Variants in LGSN observed in about 807,000 individuals in gnomAD.
LGSN encodes lengsin, lens protein with glutamine synthetase domain.
A neutral mutation model predicts 19.5 loss-of-function variants in LGSN; 21 were observed. That is an observed-to-expected ratio of 1.07 (90% CI 0.76 to 1.55). The LOEUF (loss-of-function observed/expected upper bound fraction) is 1.55, where lower values mean the gene tolerates loss of function less well. Among genes scored for constraint, LGSN ranks in the 40% most tolerant of loss-of-function variants. The pLI, the probability that LGSN is intolerant of heterozygous loss-of-function variation, is 0.00. For missense variants in LGSN, 673 were observed against 608.5 expected (o/e 1.11, Z -1.12); for synonymous variants, 257 against 215.6 (o/e 1.19, Z -1.68).
At chr6:63,464,547 A>ATATG in the LGSN span, among the ~76,000 whole-genome samples, 1 of 150,150 alleles carries the variant, frequency 6.7e-6, no homozygotes, top group African/African-American at 2.4e-5. Flanking sequence ...ATATATATAT[A>ATATG]TGTATATAAT....
the LGSN span, among the ~76,000 whole-genome samples, chr6:63,406,710 A>G: frequency 6.6e-6 from 1 of 152,070 alleles, no homozygotes; most frequent in East Asian, 1.9e-4. Flanking sequence ...AGACACAAAA[A>G]ACCCTTCAAA....
At chr6:63,525,246 T>C in the LGSN span, among the ~76,000 whole-genome samples, 1 of 152,208 alleles carries the variant, frequency 6.6e-6, no homozygotes, top group Non-Finnish European at 1.5e-5. Context: ...ATTAGTACTC[T>C]TTCAGGATCA....
chr6:63,347,348 T>A, the LGSN span, among the ~76,000 whole-genome samples: 1 of 152,216 alleles, frequency 6.6e-6, no homozygotes, highest in Non-Finnish European at 1.5e-5. Context: ...TACTTTGAAT[T>A]TGCATTAACT....
chr6:63,496,702 C>G, the LGSN span, among the ~76,000 whole-genome samples: 1 of 150,674 alleles, frequency 6.6e-6, no homozygotes, highest in African/African-American at 2.5e-5. Context: ...ATCCTCCCAT[C>G]TCAGCCTCCC....
the LGSN span, among the ~76,000 whole-genome samples, chr6:63,411,460 C>G: frequency 1.5e-4 from 23 of 152,264 alleles, no homozygotes; most frequent in Non-Finnish European, 2.9e-4. Context: ...AAGACAGAGA[C>G]TTGATCTATA....
intron 1 of LGSN, among the ~76,000 whole-genome samples, chr6:63,299,248 C>T (rs1246210168): frequency 6.6e-6 from 1 of 152,154 alleles, no homozygotes; most frequent in Non-Finnish European, 1.5e-5. Context: ...AGGAAATTTA[C>T]ATCTATAAAG....
At chr6:63,441,816 T>C in the LGSN span, 1 of 317,562 alleles carries the variant, frequency 3.1e-6, no homozygotes, top group Non-Finnish European at 6.1e-6. Flanking sequence ...AAACTGCTGC[T>C]GCTGCTGCTT....
chr6:63,461,261 A>T, the LGSN span, among the ~76,000 whole-genome samples: 2 of 152,256 alleles, frequency 1.3e-5, no homozygotes, highest in Admixed American at 1.3e-4. Context: ...CGTGTTGGCC[A>T]TGCTGGTCTC....
At chr6:63,474,330 C>T in the LGSN span, among the ~76,000 whole-genome samples, 66 of 152,214 alleles carry the variant, frequency 4.3e-4, no homozygotes, top group African/African-American at 9.9e-4. Context: ...GAAAACGGGA[C>T]GGGCGCAGTG....
At chr6:63,498,331 C>A in the LGSN span, among the ~76,000 whole-genome samples, 1 of 151,940 alleles carries the variant, frequency 6.6e-6, no homozygotes. Flanking sequence ...TTTCTGGCTC[C>A]TTCTTGTGAG....
chr6:63,294,199 G>T (rs566761317), intron 2 of LGSN, among the ~76,000 whole-genome samples: 2 of 152,124 alleles, frequency 1.3e-5, no homozygotes, highest in East Asian at 1.9e-4. Context: ...AGCGTGGCAT[G>T]GTGGCATGCC....
the LGSN span, among the ~76,000 whole-genome samples, chr6:63,325,914 C>T: frequency 6.6e-6 from 1 of 152,306 alleles, no homozygotes; most frequent in Admixed American, 6.5e-5. Flanking sequence ...TGGGTTGCCA[C>T]TGCTGGCTTG....
the LGSN span, among the ~76,000 whole-genome samples, chr6:63,478,111 A>G: frequency 6.6e-6 from 1 of 152,156 alleles, no homozygotes; most frequent in South Asian, 2.1e-4. Flanking sequence ...AGTTTTATAT[A>G]TCTTATACTG....
At chr6:63,344,413 T>C in the LGSN span, among the ~76,000 whole-genome samples, 1 of 152,188 alleles carries the variant, frequency 6.6e-6, no homozygotes, top group Non-Finnish European at 1.5e-5. Flanking sequence ...CACAGTATTG[T>C]CATTATGAAG....
chr6:63,364,214 A>C, the LGSN span, among the ~76,000 whole-genome samples: 2 of 152,260 alleles, frequency 1.3e-5, no homozygotes, highest in African/African-American at 4.8e-5. Flanking sequence ...CATACGCTCA[A>C]AATAAAGGGA....
At chr6:63,464,154 A>C in the LGSN span, among the ~76,000 whole-genome samples, 1 of 152,258 alleles carries the variant, frequency 6.6e-6, no homozygotes, top group South Asian at 2.1e-4. Context: ...ATTAAAAAAA[A>C]AAATAAGTTT....
the LGSN span, among the ~76,000 whole-genome samples, chr6:63,515,276 G>C: frequency 6.6e-6 from 1 of 152,074 alleles, no homozygotes; most frequent in Non-Finnish European, 1.5e-5. Flanking sequence ...TTGTCACCCA[G>C]GCTAGCGTGC....
the LGSN span, among the ~76,000 whole-genome samples, chr6:63,326,716 C>T: frequency 6.6e-6 from 1 of 152,226 alleles, no homozygotes; most frequent in African/African-American, 2.4e-5. Flanking sequence ...CCTCATTGCC[C>T]AGGGCCAGCA....
the LGSN span, among the ~76,000 whole-genome samples, chr6:63,326,090 A>G: frequency 6.6e-6 from 1 of 151,836 alleles, no homozygotes; most frequent in Admixed American, 6.6e-5. Context: ...CTAGATACAG[A>G]GTGTCCACAC....
Sources: gnomAD v4.1 joint callset for allele counts (sites outside exome capture counted in the v4.1 genomes callset) on GRCh38, gnomAD v4.1.1 for gene constraint, MANE v1.5 for transcripts, NCBI Gene and HGNC (gene_info 2026-07-23, HGNC 2026-07-21) for gene names.